BMPR1B: variants seen among roughly 807,000 people sequenced by gnomAD.
BMPR1B encodes bone morphogenetic protein receptor type 1B.
A neutral mutation model predicts 59.1 loss-of-function variants in BMPR1B; 12 were observed. The ratio of observed to expected loss-of-function variants is 0.20; its 90% confidence interval spans 0.13 to 0.33. The LOEUF is 0.33. BMPR1B is among the 10% of genes least tolerant of loss of function. The pLI, the probability that BMPR1B is intolerant of heterozygous loss-of-function variation, is 1.00. For synonymous variants in BMPR1B, 237 were observed against 207.3 expected, an observed-to-expected ratio of 1.14 and a Z score of -1.23; for missense variants, 550 against 610.9, an observed-to-expected ratio of 0.90 and a Z score of 1.05.
chr4:95,030,355 A>C (rs533626132), intron 3 of BMPR1B, among the ~76,000 whole-genome samples: 69 of 152,156 alleles, frequency 4.5e-4, no homozygotes, highest in Non-Finnish European at 8.4e-4. Context: ...TTTTCCCAGC[A>C]CCATTTATTA....
chr4:94,824,684 A>G (rs569982103), intron 1 of BMPR1B, among the ~76,000 whole-genome samples: 1 of 152,320 alleles, frequency 6.6e-6, no homozygotes, highest in Admixed American at 6.5e-5. Context: ...TAAGAATTTT[A>G]TTTAAAAGAT....
At chr4:94,890,570 C>T (rs754899154) in intron 2 of BMPR1B, among the ~76,000 whole-genome samples, 10 of 152,132 alleles carry the variant, frequency 6.6e-5, no homozygotes, top group Admixed American at 2.6e-4. Flanking sequence ...CTTGGGCTGC[C>T]GTAACGAAAT....
At chr4:95,039,212 C>T (rs953800037) in intron 3 of BMPR1B, among the ~76,000 whole-genome samples, 1 of 152,178 alleles carries the variant, frequency 6.6e-6, no homozygotes, top group East Asian at 1.9e-4. Context: ...AAAGTTCGTC[C>T]TCTTTACCTC....
chr4:94,915,496 C>A (rs1190173320), intron 2 of BMPR1B, among the ~76,000 whole-genome samples: 1 of 152,122 alleles, frequency 6.6e-6, no homozygotes, highest in Non-Finnish European at 1.5e-5. Flanking sequence ...ATATAATTCT[C>A]AAATTATTTT....
At chr4:95,000,963 G>T (rs12508840) in intron 3 of BMPR1B, among the ~76,000 whole-genome samples, 35,877 of 152,030 alleles carry the variant, frequency 0.24, 5,269 homozygotes, top group African/African-American at 0.42. Flanking sequence ...GGACTTGAAA[G>T]CTTTTCTTCA....
chr4:94,822,516 G>T (rs970636440), intron 1 of BMPR1B, among the ~76,000 whole-genome samples: 1 of 152,146 alleles, frequency 6.6e-6, no homozygotes, highest in African/African-American at 2.4e-5. Flanking sequence ...GAGCAAAATG[G>T]ATAGGGTAGA....
chr4:94,762,016 C>CA (rs1244465894), intron 1 of BMPR1B, among the ~76,000 whole-genome samples: 1 of 152,048 alleles, frequency 6.6e-6, no homozygotes, highest in Non-Finnish European at 1.5e-5. Flanking sequence ...TAGGAGTAGA[C>CA]AAAAAGGACA....
chr4:94,988,874 A>G (rs1721568580), intron 2 of BMPR1B, among the ~76,000 whole-genome samples: 2 of 152,040 alleles, frequency 1.3e-5, no homozygotes, highest in East Asian at 3.9e-4. Flanking sequence ...TGGGAAAAGA[A>G]AAGGATAAAA....
intron 10 of BMPR1B, among the ~76,000 whole-genome samples, chr4:95,136,602 T>C (rs1417646419): frequency 6.6e-6 from 1 of 152,184 alleles, no homozygotes; most frequent in Non-Finnish European, 1.5e-5. Flanking sequence ...GTTATTAGTC[T>C]ATTCAGGGAT....
At chr4:95,003,307 A>G (rs1406018408) in intron 3 of BMPR1B, among the ~76,000 whole-genome samples, 1 of 151,922 alleles carries the variant, frequency 6.6e-6, no homozygotes, top group Non-Finnish European at 1.5e-5. Context: ...CCCCTTTCTC[A>G]CTTTTTTTGT....
At chr4:95,151,712 T>C (rs1347571858) in intron 11 of BMPR1B, among the ~76,000 whole-genome samples, 7 of 152,168 alleles carry the variant, frequency 4.6e-5, no homozygotes, top group Non-Finnish European at 8.8e-5. Context: ...TTTAACGATG[T>C]GATATATAAT....
chr4:94,842,762 C>T (rs185251136), intron 1 of BMPR1B, among the ~76,000 whole-genome samples: 1 of 152,042 alleles, frequency 6.6e-6, no homozygotes, highest in African/African-American at 2.4e-5. Context: ...AACTCTTAAC[C>T]CCAGGTTTCC....
At chr4:95,104,774 A>C (rs996699126) in intron 4 of BMPR1B, among the ~76,000 whole-genome samples, 2 of 152,092 alleles carry the variant, frequency 1.3e-5, no homozygotes, top group African/African-American at 4.8e-5. Flanking sequence ...TGATCCCTCC[A>C]GACAGCTCAC....
intron 1 of BMPR1B, among the ~76,000 whole-genome samples, chr4:94,759,493 G>T (rs893313697): frequency 2.0e-5 from 3 of 152,150 alleles, no homozygotes; most frequent in African/African-American, 7.2e-5. Flanking sequence ...ACGAATCTCT[G>T]TTTTCTTACA....
chr4:94,770,321 A>G (rs1271464614), intron 1 of BMPR1B, among the ~76,000 whole-genome samples: 1 of 151,782 alleles, frequency 6.6e-6, no homozygotes, highest in Non-Finnish European at 1.5e-5. Context: ...GTGTTAGATG[A>G]GAACCATATT....
chr4:94,961,196 A>G (rs1221766393), intron 2 of BMPR1B, among the ~76,000 whole-genome samples: 3 of 152,144 alleles, frequency 2.0e-5, no homozygotes, highest in Non-Finnish European at 4.4e-5. Context: ...TATCTGGTTC[A>G]GGAGTCAGTA....
In BMPR1B at chr4:94,958,615, T is replaced by G. The variant is rs116413939; in HGVS notation, c.-112-37425T>G. On this transcript the variant is annotated intron_variant, in intron 2 of 12. Coordinates refer to ENST00000515059, the MANE Select transcript of BMPR1B (RefSeq NM_001203.3). ...CCTAACAGCCTTGTTTTAACATAAT[T>G]ACCTCTTTAAAGGCTTTGTCTACAG... is the stretch of plus-strand genomic sequence containing the variant. Among the ~76,000 whole-genome samples the G allele has an allele frequency of 8.4e-3, 1,276 of 152,308 alleles. 17 individuals are homozygous for G. The highest frequency in any genetic ancestry group is 0.029 in the African/African-American group (1,203 of 41,552).
intron 3 of BMPR1B, among the ~76,000 whole-genome samples, chr4:95,082,494 G>A (rs1336525218): frequency 6.6e-6 from 1 of 151,924 alleles, no homozygotes; most frequent in Non-Finnish European, 1.5e-5. Flanking sequence ...AGAGTATTTT[G>A]AGGACTACAT....
chr4:94,786,146 T>G (rs182342677), intron 1 of BMPR1B, among the ~76,000 whole-genome samples: 9 of 152,254 alleles, frequency 5.9e-5, no homozygotes, highest in African/African-American at 1.7e-4. Flanking sequence ...GTAGAATAGA[T>G]CTTGAGGACA....
Sources: allele counts gnomAD v4.1 joint callset (sites outside exome capture counted in the v4.1 genomes callset), GRCh38; gene constraint gnomAD v4.1.1; transcripts MANE v1.5; gene names NCBI Gene and HGNC (gene_info 2026-07-23, HGNC 2026-07-21).